Variants in ANO3 observed in about 807,000 individuals in gnomAD.
The protein encoded by ANO3 is anoctamin 3.
Under a neutral mutation model 144.8 loss-of-function variants are expected in ANO3, and 99 were observed. The observed-to-expected ratio is 0.68, with a 90% CI of 0.58 to 0.81. ANO3 has a LOEUF of 0.81. ANO3 is among the 30% of genes least tolerant of loss of function. The probability of loss-of-function intolerance (pLI) is 0.00; values close to 1 mark genes in which losing one functional copy is unlikely to be tolerated. For synonymous variants in ANO3, 414 were observed against 392.6 expected, an observed-to-expected ratio of 1.05 and a Z score of -0.64; for missense variants, 905 against 1,202.2, an observed-to-expected ratio of 0.75 and a Z score of 3.66.
chr11:26,217,362 T>C (rs1411731728), intron 1 of ANO3, among the ~76,000 whole-genome samples: 1 of 152,026 alleles, frequency 6.6e-6, no homozygotes, highest in Non-Finnish European at 1.5e-5. Flanking sequence ...TCTCTATTGT[T>C]TTATCTCTCT....
chr11:26,452,973 T>A (rs1478610278), intron 3 of ANO3, among the ~76,000 whole-genome samples: 1 of 152,054 alleles, frequency 6.6e-6, no homozygotes, highest in Admixed American at 6.6e-5. Flanking sequence ...CATATCCAGC[T>A]AAACTAAGCT....
rs183027097 is a variant in ANO3, at chr11:26,528,054, T to C, written c.737+2375T>C. Among the ~76,000 whole-genome samples, 4 of 152,276 alleles carry C rather than the reference T, an allele frequency of 2.6e-5. 1 individual carries two copies. The South Asian group carries it at 6.2e-4, about 24-fold the overall frequency. On this transcript the variant is annotated intron_variant, in intron 7 of 26. Transcript: ENST00000256737. ...ATAAACCTAAAGCTCTATTTTTGCA[T>C]TGTGCTGTGATATCTTGGATTTGCA...
At chr11:26,451,485 A>G (rs1044022529) in intron 3 of ANO3, among the ~76,000 whole-genome samples, 9 of 152,298 alleles carry the variant, frequency 5.9e-5, no homozygotes, top group Non-Finnish European at 1.0e-4. Context: ...GCTGATTGCT[A>G]GCACAGCAGT....
chr11:26,448,098 G>A (rs189886604), intron 3 of ANO3, among the ~76,000 whole-genome samples: 1,633 of 152,110 alleles, frequency 0.011, 16 homozygotes, highest in African/African-American at 0.037. Flanking sequence ...TCGGGAGTTC[G>A]AGACCAGCCT....
At chr11:26,542,885 A>T (rs1404821647) in intron 11 of ANO3, among the ~76,000 whole-genome samples, 1 of 152,118 alleles carries the variant, frequency 6.6e-6, no homozygotes. Context: ...ATATGTTAAT[A>T]TTTTAAGCTG....
At chr11:26,634,445 A>G in intron 19 of ANO3, 130 bp downstream of exon 19, 1 of 602,066 alleles carries the variant, frequency 1.7e-6, no homozygotes, top group Non-Finnish European at 2.9e-6. Context: ...AAAAAAATAA[A>G]ACCTATTTGC....
At chr11:26,510,203 G>A (rs968934316) in intron 5 of ANO3, among the ~76,000 whole-genome samples, 1 of 149,554 alleles carries the variant, frequency 6.7e-6, no homozygotes, top group Non-Finnish European at 1.5e-5. Context: ...ATCCTTTAAT[G>A]TGTATGAAAT....
chr11:26,255,995 A>G (rs1853048619), intron 1 of ANO3, among the ~76,000 whole-genome samples: 1 of 152,132 alleles, frequency 6.6e-6, no homozygotes. Flanking sequence ...TTGGATGGTA[A>G]ATTATAAAAG....
chr11:26,449,597 A>G (rs1476259669), intron 3 of ANO3, among the ~76,000 whole-genome samples: 1 of 151,014 alleles, frequency 6.6e-6, no homozygotes, highest in African/African-American at 2.4e-5. Flanking sequence ...TATCACTGTG[A>G]GTTTTCTCAC....
In ANO3 at chr11:26,435,638, G is replaced by T. The variant is rs116218397; in HGVS notation, c.47-6280G>T. Reference sequence around the variant, plus strand: ...ACTTTTGTCTGACTGTCTTCTTTAAGTCTTCAGGTTCTGACATCCTTTTCT... The same window carrying T: ...ACTTTTGTCTGACTGTCTTCTTTAATTCTTCAGGTTCTGACATCCTTTTCT... On this transcript the variant is annotated intron_variant, in intron 1 of 26. Transcript: ENST00000256737. 2.4e-3 allele frequency among the ~76,000 whole-genome samples: 371 copies of T among 152,086 alleles called. 1 individual carries two copies. Among genetic ancestry groups the T allele is most frequent in the African/African-American group, 8.5e-3 (353 of 41,478 alleles).
Position 26,385,852 on chromosome 11 carries a change from T to C in ANO3, c.46+53531T>C, listed in dbSNP as rs575873293. ...ACACACACACACACACACACACACATATATATGTGGTGATAGATTTGTGTG... is the reference window on the plus strand; with the variant it reads ...ACACACACACACACACACACACACACATATATGTGGTGATAGATTTGTGTG... On this transcript the variant is annotated intron_variant, in intron 1 of 26. Transcript: ENST00000256737. Among the ~76,000 whole-genome samples the C allele has an allele frequency of 3.2e-4, 48 of 148,922 alleles. No individual in the cohort carries two copies. The East Asian group carries it at 4.5e-3, about 14-fold the overall frequency.
At chr11:26,357,511 T>G (rs1397458917) in intron 1 of ANO3, among the ~76,000 whole-genome samples, 3 of 152,068 alleles carry the variant, frequency 2.0e-5, no homozygotes, top group Non-Finnish European at 2.9e-5. Context: ...ATAATGTATC[T>G]TTTCAATTTT....
chr11:26,202,183 T>A (rs1590190733), intron 1 of ANO3, among the ~76,000 whole-genome samples: 1 of 147,920 alleles, frequency 6.8e-6, no homozygotes, highest in Non-Finnish European at 1.5e-5. Flanking sequence ...TGACCTCACA[T>A]AATCTTTTAA....
chr11:26,418,351 G>A (rs531632189), intron 1 of ANO3, among the ~76,000 whole-genome samples: 5 of 152,124 alleles, frequency 3.3e-5, no homozygotes, highest in Admixed American at 2.0e-4. Flanking sequence ...AGACTGGAAC[G>A]TATTTTTAGT....
intron 1 of ANO3, among the ~76,000 whole-genome samples, chr11:26,243,338 G>A (rs868579308): frequency 2.7e-5 from 4 of 150,922 alleles, no homozygotes; most frequent in African/African-American, 9.7e-5. Flanking sequence ...TAAAGTAAAG[G>A]CTTTTTTTTT....
chr11:26,493,513 T>G (rs963492662), intron 4 of ANO3, among the ~76,000 whole-genome samples: 3 of 152,218 alleles, frequency 2.0e-5, no homozygotes, highest in Admixed American at 6.5e-5. Context: ...CATCAGTCCA[T>G]CAGCAGCAGA....
At chr11:26,271,272 A>AT (rs1182120886) in intron 1 of ANO3, among the ~76,000 whole-genome samples, 3 of 152,208 alleles carry the variant, frequency 2.0e-5, no homozygotes, top group South Asian at 2.1e-4. Flanking sequence ...AACAGGTGGC[A>AT]TTTTTTCTAC....
intron 3 of ANO3, among the ~76,000 whole-genome samples, chr11:26,446,784 C>T (rs561214092): frequency 1.9e-4 from 29 of 152,240 alleles, no homozygotes; most frequent in African/African-American, 6.7e-4. Flanking sequence ...CATCATAGCT[C>T]CTAGCACATC....
chr11:26,587,272 T>C (rs904877648), intron 14 of ANO3, among the ~76,000 whole-genome samples: 1 of 152,184 alleles, frequency 6.6e-6, no homozygotes, highest in Non-Finnish European at 1.5e-5. Context: ...AATTTGGGTG[T>C]GTCTAGATGA....
Sources: allele counts gnomAD v4.1 joint callset (sites outside exome capture counted in the v4.1 genomes callset), GRCh38; gene constraint gnomAD v4.1.1; transcripts MANE v1.5; gene names NCBI Gene and HGNC (gene_info 2026-07-23, HGNC 2026-07-21).